Variants in DNM3 observed in about 807,000 individuals in gnomAD.
The protein encoded by DNM3 is dynamin-3.
Under a neutral mutation model 101.6 loss-of-function variants are expected in DNM3, and 47 were observed. The ratio of observed to expected loss-of-function variants is 0.46; its 90% CI spans 0.37 to 0.59. DNM3 has a LOEUF of 0.59. Ranked by LOEUF, DNM3 falls within the 20% of genes least tolerant of loss-of-function variation. The probability of loss-of-function intolerance (pLI) is 0.00; values close to 1 mark genes in which losing one functional copy is unlikely to be tolerated. For synonymous variants in DNM3, 385 were observed against 387.9 expected (o/e 0.99, Z 0.09); for missense variants, 849 against 1,085.7 (o/e 0.78, Z 3.06).
intron 17 of DNM3, among the ~76,000 whole-genome samples, chr1:172,335,152 T>C (rs2066362590): frequency 6.6e-6 from 1 of 152,174 alleles, no homozygotes; most frequent in Non-Finnish European, 1.5e-5. Flanking sequence ...GGGTATGCAA[T>C]GAATTGTCTG....
Position 172,315,883 on chromosome 1 carries a change from G to C in DNM3, c.1881+7044G>C, listed in dbSNP as rs927556862. 2.6e-5 allele frequency among the ~76,000 whole-genome samples: 4 copies of C among 152,058 alleles called. No homozygotes were observed. In the East Asian group the frequency reaches 5.8e-4, roughly 22 times the overall value. ...CCAACGTTCAGATTCAGGAAATACAGAGAACGCCACAAAGATACTCCTCGA... is the reference window on the plus strand; with the variant it reads ...CCAACGTTCAGATTCAGGAAATACACAGAACGCCACAAAGATACTCCTCGA... On this transcript the variant is annotated intron_variant, in intron 16 of 20. Transcript: ENST00000627582.
At chr1:172,054,986 A>T (rs2050488486) in intron 10 of DNM3, among the ~76,000 whole-genome samples, 1 of 146,924 alleles carries the variant, frequency 6.8e-6, no homozygotes, top group African/African-American at 2.5e-5. Flanking sequence ...ATAAAGAAAA[A>T]GAAATACAGG....
chr1:171,942,831 G>T (rs1041947993), intron 2 of DNM3, among the ~76,000 whole-genome samples: 1 of 152,150 alleles, frequency 6.6e-6, no homozygotes, highest in South Asian at 2.1e-4. Flanking sequence ...CCAGTGCAAG[G>T]CTGGGTGCAG....
intron 4 of DNM3, among the ~76,000 whole-genome samples, chr1:172,026,469 A>G (rs1158443546): frequency 6.6e-6 from 1 of 152,004 alleles, no homozygotes; most frequent in Non-Finnish European, 1.5e-5. Flanking sequence ...CCAGAAAGAT[A>G]CTCCTTGAGA....
At chr1:172,270,714 A>G (rs1250372039) in intron 15 of DNM3, among the ~76,000 whole-genome samples, 1 of 152,200 alleles carries the variant, frequency 6.6e-6, no homozygotes, top group Non-Finnish European at 1.5e-5. Flanking sequence ...GAGCAGATGC[A>G]TAGTTTCATG....
chr1:171,885,746 G>A (rs1025925969), intron 1 of DNM3, among the ~76,000 whole-genome samples: 7 of 152,252 alleles, frequency 4.6e-5, no homozygotes, highest in African/African-American at 1.7e-4. Flanking sequence ...ATGGGCTCAA[G>A]CTGCTTTCAG....
intron 14 of DNM3, among the ~76,000 whole-genome samples, chr1:172,245,060 A>T (rs1474502243): frequency 1.3e-5 from 2 of 152,182 alleles, no homozygotes; most frequent in Admixed American, 6.6e-5. Context: ...GCAAAGCACT[A>T]TACCAGCCCA....
At chr1:172,040,722 G>A (rs761316586) in intron 7 of DNM3, among the ~76,000 whole-genome samples, 6 of 152,070 alleles carry the variant, frequency 3.9e-5, no homozygotes, top group Admixed American at 3.9e-4. Context: ...GAGTGGTGCC[G>A]GATAGAGTCA....
intron 15 of DNM3, among the ~76,000 whole-genome samples, chr1:172,284,032 A>C (rs1039530549): frequency 2.0e-4 from 30 of 152,136 alleles, no homozygotes; most frequent in African/African-American, 6.5e-4. Flanking sequence ...TTTGCTTACA[A>C]TTAAATCCAG....
chr1:171,944,858 T>C lies in DNM3; in HGVS notation c.235+23037T>C, dbSNP rs894907086. 1.9e-5 allele frequency among the ~76,000 whole-genome samples: 2 copies of C among 106,478 alleles called. 1 individual carries two copies. Among genetic ancestry groups the C allele is most frequent in the Non-Finnish European group, 3.8e-5 (2 of 52,342 alleles). 69.9% of individuals were successfully genotyped at this position (106,478 alleles called of 152,430 possible). On this transcript the variant is annotated intron_variant, in intron 2 of 20. Coordinates refer to ENST00000627582, the MANE Select transcript of DNM3 (RefSeq NM_015569.5). ...TTTTCTTTTTTTTTGGTGTTTCCTT[T>C]TTTTTTTTTTTTTTTTTTTTTTTGA...
chr1:172,110,783 C>T (rs1302332192), intron 13 of DNM3, among the ~76,000 whole-genome samples: 1 of 152,222 alleles, frequency 6.6e-6, no homozygotes, highest in Admixed American at 6.5e-5. Flanking sequence ...TGCCTGTAAT[C>T]CTAGCACTTT....
intron 15 of DNM3, among the ~76,000 whole-genome samples, chr1:172,255,711 C>T (rs181015199): frequency 3.3e-5 from 5 of 152,194 alleles, no homozygotes; most frequent in African/African-American, 1.2e-4. Context: ...ATTGTCTTCT[C>T]CTTTGAAATG....
chr1:172,167,248 C>A (rs1282983719), intron 14 of DNM3, among the ~76,000 whole-genome samples: 8 of 152,100 alleles, frequency 5.3e-5, no homozygotes, highest in Non-Finnish European at 1.2e-4. Context: ...AGGACATGCA[C>A]TCATCCTTTT....
chr1:172,316,030 G>A (rs199835265), intron 16 of DNM3, among the ~76,000 whole-genome samples: 52 of 152,234 alleles, frequency 3.4e-4, no homozygotes, highest in East Asian at 2.3e-3. Flanking sequence ...TCAGACTAAC[G>A]GCGGATCTCT....
chr1:172,242,563 C>A (rs2061788347), intron 14 of DNM3, among the ~76,000 whole-genome samples: 2 of 152,164 alleles, frequency 1.3e-5, no homozygotes, highest in African/African-American at 2.4e-5. Flanking sequence ...CCACCTCAGC[C>A]TCCTGAGTAT....
intron 14 of DNM3, among the ~76,000 whole-genome samples, chr1:172,236,329 ACGATG>A (rs2061544550): frequency 6.6e-6 from 1 of 152,144 alleles, no homozygotes; most frequent in Non-Finnish European, 1.5e-5. Context: ...ATAATGTAGT[ACGATG>A]TTTTTGTTAT....
intron 12 of DNM3, among the ~76,000 whole-genome samples, chr1:172,082,341 T>TA (rs61417038): frequency 2.0e-5 from 3 of 150,946 alleles, no homozygotes; most frequent in Non-Finnish European, 2.9e-5. Flanking sequence ...TTTTTTTTTT[T>TA]AAACTTTGCG....
intron 14 of DNM3, among the ~76,000 whole-genome samples, chr1:172,181,737 T>C (rs769279616): frequency 2.0e-5 from 3 of 151,694 alleles, no homozygotes; most frequent in Non-Finnish European, 4.4e-5. Context: ...AATTGGACTG[T>C]ATCCAGATGT....
intron 2 of DNM3, among the ~76,000 whole-genome samples, chr1:171,976,210 C>A (rs550581874): frequency 6.6e-6 from 1 of 152,316 alleles, no homozygotes; most frequent in African/African-American, 2.4e-5. Flanking sequence ...ATACCTTCCA[C>A]CATACACAAA....
Sources: allele counts gnomAD v4.1 joint callset (sites outside exome capture counted in the v4.1 genomes callset), GRCh38; gene constraint gnomAD v4.1.1; transcripts MANE v1.5; gene names NCBI Gene and HGNC (gene_info 2026-07-23, HGNC 2026-07-21).